ZFHX3: variants seen among roughly 807,000 people sequenced by gnomAD.
ZFHX3 encodes the protein zinc finger homeobox protein 3.
In ZFHX3, 42 loss-of-function variants were observed where a neutral mutation model predicts 279.1. The ratio of observed to expected loss-of-function variants is 0.15; its 90% CI spans 0.12 to 0.19. ZFHX3 has a LOEUF of 0.19. Among genes scored for constraint, ZFHX3 ranks in the 10% least tolerant of loss-of-function variants. The pLI is 1.00. For missense variants in ZFHX3, 4,981 were observed against 4,754.0 expected, an observed-to-expected ratio of 1.05 and a Z score of -1.40; for synonymous variants, 2,293 against 1,957.8, an observed-to-expected ratio of 1.17 and a Z score of -4.52.
At chr16:73,283,709 G>A (rs1184823854) in intron 4 of ZFHX3, among the ~76,000 whole-genome samples, 6 of 152,150 alleles carry the variant, frequency 3.9e-5, no homozygotes, top group East Asian at 3.9e-4. Context: ...TCTAGGCCAC[G>A]AAAATACTTT....
chr16:73,670,777 A>C (rs981401833), intron 2 of ZFHX3, among the ~76,000 whole-genome samples: 1 of 152,250 alleles, frequency 6.6e-6, no homozygotes, highest in African/African-American at 2.4e-5. Flanking sequence ...GGATTATGGG[A>C]ATAATGGTAA....
chr16:73,765,974 T>C (rs1303738238), intron 1 of ZFHX3, among the ~76,000 whole-genome samples: 2 of 152,196 alleles, frequency 1.3e-5, no homozygotes, highest in African/African-American at 4.8e-5. Flanking sequence ...TTCATTTCAA[T>C]ACAGTTTCAG....
At chr16:73,016,108 T>C (rs1271032634) in intron 1 of ZFHX3, 1 of 152,266 alleles carries the variant, frequency 6.6e-6, no homozygotes, top group Non-Finnish European at 1.5e-5. Context: ...CTCATTTCTA[T>C]CCCAGGCTCC....
chr16:72,811,074 G>A (rs929197911), intron 7 of ZFHX3, among the ~76,000 whole-genome samples: 5 of 151,944 alleles, frequency 3.3e-5, no homozygotes, highest in African/African-American at 9.7e-5. Flanking sequence ...TTGTAGAGAT[G>A]GGGTCTCATT....
At chr16:73,357,418 T>G (rs2016362032) in intron 3 of ZFHX3, among the ~76,000 whole-genome samples, 1 of 150,314 alleles carries the variant, frequency 6.7e-6, no homozygotes, top group Non-Finnish European at 1.5e-5. Flanking sequence ...GTGACAGAAG[T>G]AACCTAGGGC....
intron 2 of ZFHX3, among the ~76,000 whole-genome samples, chr16:73,643,319 C>A (rs368963632): frequency 1.3e-5 from 2 of 152,184 alleles, no homozygotes; most frequent in East Asian, 3.9e-4. Context: ...ATGAATGAAC[C>A]CTTTTCTGGA....
intron 1 of ZFHX3, among the ~76,000 whole-genome samples, chr16:73,885,656 A>G (rs938761569): frequency 2.6e-5 from 4 of 152,220 alleles, no homozygotes; most frequent in Non-Finnish European, 5.9e-5. Context: ...CTACTGAATA[A>G]TAATAAAAGC....
chr16:73,871,544 G>T (rs2029862393), intron 1 of ZFHX3, among the ~76,000 whole-genome samples: 1 of 151,788 alleles, frequency 6.6e-6, no homozygotes, highest in Admixed American at 6.6e-5. Flanking sequence ...GCCTGAAATA[G>T]CCACAGGACC....
chr16:72,875,694 A>C (rs2038291211), intron 4 of ZFHX3, among the ~76,000 whole-genome samples: 1 of 152,246 alleles, frequency 6.6e-6, no homozygotes, highest in Admixed American at 6.5e-5. Flanking sequence ...CTGCCACGTT[A>C]AGTCAGGTGT....
At chr16:73,175,893 T>G (rs1967652834) in intron 5 of ZFHX3, among the ~76,000 whole-genome samples, 1 of 152,194 alleles carries the variant, frequency 6.6e-6, no homozygotes, top group Non-Finnish European at 1.5e-5. Flanking sequence ...ACAAATGATT[T>G]TTTACTTGGG....
At chr16:72,901,256 T>C (rs113638798) in intron 3 of ZFHX3, among the ~76,000 whole-genome samples, 2 of 152,332 alleles carry the variant, frequency 1.3e-5, no homozygotes, top group African/African-American at 4.8e-5. Context: ...GAACCGAGCC[T>C]ACAGAAGAAT....
At position 73,582,439 on chromosome 16, in the gene ZFHX3, CAG is replaced by C. The variant is rs2051871802; in HGVS notation, c.-1547+97739_-1547+97740del. 4.1e-5 allele frequency among the ~76,000 whole-genome samples: 6 copies of C among 148,064 alleles called. 1 individual carries two copies. Among genetic ancestry groups the C allele is most frequent in the African/African-American group, 1.3e-4 (5 of 38,244 alleles). On this transcript the variant is annotated intron_variant, in intron 2 of 17. Coordinates refer to the ZFHX3 transcript ENST00000641206. ...TCTTCACAGTTAGGATATAGGAAGA[CAG>C]AAAAAAAAAATTAAGCCTAAATCTA...
intron 1 of ZFHX3, among the ~76,000 whole-genome samples, chr16:73,696,388 A>G (rs879765382): frequency 3.9e-5 from 6 of 152,044 alleles, no homozygotes; most frequent in Non-Finnish European, 8.8e-5. Context: ...ATACCTACAG[A>G]CTCATCCTGA....
intron 5 of ZFHX3, among the ~76,000 whole-genome samples, chr16:73,154,334 T>A (rs966904672): frequency 3.9e-5 from 6 of 152,208 alleles, no homozygotes; most frequent in African/African-American, 1.2e-4. Flanking sequence ...TTTGGAGAGA[T>A]CATGTCTCCC....
chr16:73,705,402 A>G (rs964338203), intron 1 of ZFHX3, among the ~76,000 whole-genome samples: 23 of 152,282 alleles, frequency 1.5e-4, no homozygotes, highest in African/African-American at 5.5e-4. Context: ...AGTAAACCCC[A>G]AAGGCCAGAT....
intron 2 of ZFHX3, among the ~76,000 whole-genome samples, chr16:73,655,674 C>G (rs1427597941): frequency 6.6e-6 from 1 of 152,114 alleles, no homozygotes; most frequent in Non-Finnish European, 1.5e-5. Context: ...GATACCATTT[C>G]CACTAAATTG....
chr16:73,372,675 A>C (rs1221921548), intron 3 of ZFHX3, among the ~76,000 whole-genome samples: 4 of 152,234 alleles, frequency 2.6e-5, no homozygotes, highest in Non-Finnish European at 5.9e-5. Flanking sequence ...CAGAATAACC[A>C]TGGCCAAGAT....
rs2035229577 is a variant in ZFHX3, at chr16:72,783,838, G to A, written c.*3326C>T. On this transcript the variant is annotated 3_prime_UTR_variant, in exon 10 of 10. Coordinates refer to ENST00000268489, the MANE Select transcript of ZFHX3 (RefSeq NM_006885.4). ...GCAGACAGGAATAAATTCCCCAAGT[G>A]AGATAAAGCTAAACAAACAGTTGAG... 6.6e-6 allele frequency: 1 copy of A among 152,216 alleles called. No individual in the cohort carries two copies. The highest frequency in any genetic ancestry group is 1.5e-5 in the Non-Finnish European group (1 of 68,042). The allele number at this position is 152,216 out of a possible 1,614,324, so 9.4% of individuals were successfully genotyped here.
At chr16:73,820,775 A>G (rs1960716774) in intron 1 of ZFHX3, among the ~76,000 whole-genome samples, 1 of 151,840 alleles carries the variant, frequency 6.6e-6, no homozygotes, top group African/African-American at 2.4e-5. Context: ...CCACACTGAT[A>G]TTTCTATGAA....
Sources: gnomAD v4.1 joint callset for allele counts (sites outside exome capture counted in the v4.1 genomes callset) on GRCh38, gnomAD v4.1.1 for gene constraint, MANE v1.5 for transcripts, NCBI Gene and HGNC (gene_info 2026-07-23, HGNC 2026-07-21) for gene names.